PCDHGA5: variants seen among roughly 807,000 people sequenced by gnomAD.
PCDHGA5 encodes protocadherin gamma subfamily A, 5, also known as protocadherin gamma-A5.
PCDHGA5 carries 36 observed loss-of-function variants against 56.7 expected under a neutral mutation model. The observed-to-expected ratio is 0.64, with a 90% CI of 0.49 to 0.84. The LOEUF is 0.84. PCDHGA5 is among the 40% of genes least tolerant of loss of function. PCDHGA5 has a pLI of 0.00. For synonymous variants in PCDHGA5, 563 were observed against 520.2 expected (o/e 1.08, Z -1.12); for missense variants, 1,305 against 1,201.5 (o/e 1.09, Z -1.27).
chr5:141,496,215 T>C (rs2099767024), intron 2 of PCDHGA5, among the ~76,000 whole-genome samples: 3 of 152,114 alleles, frequency 2.0e-5, no homozygotes, highest in Non-Finnish European at 4.4e-5. Context: ...TATGAATTCC[T>C]GCTGAGACAG....
In PCDHGA5 at chr5:141,486,718, A is replaced by G; in HGVS notation, c.2422-8089A>G. 6.2e-7 allele frequency: 1 copy of G among 1,614,106 alleles called. No individual in the cohort carries two copies. The highest frequency in any genetic ancestry group is 1.7e-5 in the Admixed American group (1 of 60,022). On this transcript the variant is annotated intron_variant, in intron 1 of 3. Coordinates refer to ENST00000518069, the MANE Select transcript of PCDHGA5 (RefSeq NM_018918.3). This position sits in a 1 kb window ranked among gnomAD's most constrained non-coding sequence, Gnocchi z 5.0. Reference sequence around the variant, plus strand: ...TCATCTCTCTGAACCCCCAGACAGGAGCTGTTCATGCTACTCGATCCTTTG... The same window carrying G: ...TCATCTCTCTGAACCCCCAGACAGGGGCTGTTCATGCTACTCGATCCTTTG...
chr5:141,405,191 C>T (rs573277021), intron 1 of PCDHGA5: 28 of 1,612,832 alleles, frequency 1.7e-5, no homozygotes, highest in South Asian at 1.6e-4. Context: ...AGATGGGGTT[C>T]GAGCTTTCCT....
intron 1 of PCDHGA5, chr5:141,478,437 A>G (rs2099455876): frequency 6.2e-7 from 1 of 1,613,758 alleles, no homozygotes; most frequent in African/African-American, 1.3e-5. Flanking sequence ...CCGCTGCTGA[A>G]GAAACCTGGT....
intron 1 of PCDHGA5, chr5:141,398,766 T>C (rs775055352): frequency 6.2e-6 from 10 of 1,613,844 alleles, no homozygotes; most frequent in Non-Finnish European, 7.6e-6. Flanking sequence ...TAGTCCTGAC[T>C]GCCTTGGACG....
intron 2 of PCDHGA5, among the ~76,000 whole-genome samples, chr5:141,498,815 C>T (rs1595543994): frequency 6.6e-6 from 1 of 152,032 alleles, no homozygotes. Flanking sequence ...CACCTGTAGT[C>T]CCAGCTACTC....
rs369942815 is a variant in PCDHGA5, at chr5:141,485,334, T to A, written c.2422-9473T>A. 5.4e-5 allele frequency: 87 copies of A among 1,614,056 alleles called. No individual in the cohort carries two copies. Among genetic ancestry groups the A allele is most frequent in the Non-Finnish European group, 7.0e-5 (83 of 1,180,026 alleles). On this transcript the variant is annotated intron_variant, in intron 1 of 3. Coordinates refer to ENST00000518069, the MANE Select transcript of PCDHGA5 (RefSeq NM_018918.3). The surrounding 1 kb of genome is among the most constrained non-coding windows in gnomAD (Gnocchi z 5.7). Reference sequence around the variant, plus strand: ...GGGAATGTCGCTCAAGATTTCCTGCTGGATACGGACAGTCTGTCAGCTCGC... The same window carrying A: ...GGGAATGTCGCTCAAGATTTCCTGCAGGATACGGACAGTCTGTCAGCTCGC...
chr5:141,430,666 G>A (rs2097301396), intron 1 of PCDHGA5: 1 of 1,222,518 alleles, frequency 8.2e-7, no homozygotes, highest in Admixed American at 2.7e-5. Flanking sequence ...GAGGAGCTCT[G>A]ACTTCCCAAC....
intron 1 of PCDHGA5, among the ~76,000 whole-genome samples, chr5:141,483,755 G>A (rs2099586573): frequency 6.6e-6 from 1 of 152,130 alleles, no homozygotes. Flanking sequence ...TGAGGATCGA[G>A]GCTTGGAAAA....
intron 1 of PCDHGA5, chr5:141,414,168 T>C: frequency 6.2e-7 from 1 of 1,605,598 alleles, no homozygotes; most frequent in Non-Finnish European, 8.5e-7. Context: ...GAGGAGCATA[T>C]CTTGCAACTG....
intron 2 of PCDHGA5, among the ~76,000 whole-genome samples, chr5:141,495,279 G>C (rs72790069): frequency 0.027 from 4,092 of 152,256 alleles, 88 homozygotes; most frequent in Middle Eastern, 0.048. Flanking sequence ...CGGAGGAGGC[G>C]GTCCGCACTC....
chr5:141,465,697 T>C (rs1386528821), intron 1 of PCDHGA5, among the ~76,000 whole-genome samples: 2 of 152,200 alleles, frequency 1.3e-5, no homozygotes, highest in African/African-American at 4.8e-5. Context: ...TGCTTTTGCA[T>C]TGGTCAAATG....
chr5:141,408,617 C>T (rs2095139011), intron 1 of PCDHGA5: 2 of 1,614,004 alleles, frequency 1.2e-6, no homozygotes, highest in African/African-American at 2.7e-5. Flanking sequence ...AAAGGAAATA[C>T]ATTTAGAAAT....
rs1026815375 is a variant in PCDHGA5, at chr5:141,481,045, G to A, written c.2422-13762G>A. 4.6e-5 allele frequency among the ~76,000 whole-genome samples: 7 copies of A among 152,024 alleles called. No individual in the cohort carries two copies. In the South Asian group the frequency reaches 8.3e-4, roughly 18 times the overall value. ...TGCACTCCAGCCTGGGCGACAGAGCGAGACTCCACCTCAAAAACAAAAAGA... is the reference window on the plus strand; with the variant it reads ...TGCACTCCAGCCTGGGCGACAGAGCAAGACTCCACCTCAAAAACAAAAAGA... On this transcript the variant is annotated intron_variant, in intron 1 of 3. Coordinates refer to ENST00000518069, the MANE Select transcript of PCDHGA5 (RefSeq NM_018918.3).
intron 1 of PCDHGA5, chr5:141,375,178 A>G: frequency 6.2e-7 from 1 of 1,613,980 alleles, no homozygotes; most frequent in Non-Finnish European, 8.5e-7. Context: ...CAGGAACAGT[A>G]ATCGCCCTTT....
Position 141,490,440 on chromosome 5 carries a change from T to G in PCDHGA5, c.2422-4367T>G, listed in dbSNP as rs560525159. The G allele has an allele frequency of 6.2e-7, 1 of 1,614,206 alleles. No individual in the cohort carries two copies. The highest frequency in any genetic ancestry group is 1.7e-5 in the Admixed American group (1 of 60,026). On this transcript the variant is annotated intron_variant, in intron 1 of 3. Transcript: ENST00000518069. This position sits in a 1 kb window ranked among gnomAD's most constrained non-coding sequence, Gnocchi z 5.4. ...ACCTGCCATTTCAGATTAAGCCTTCTGAGAACCACTACTCGCTGCTAACCA... is the reference window on the plus strand; with the variant it reads ...ACCTGCCATTTCAGATTAAGCCTTCGGAGAACCACTACTCGCTGCTAACCA...
chr5:141,469,918 G>T (rs2099215604), intron 1 of PCDHGA5, among the ~76,000 whole-genome samples: 2 of 152,148 alleles, frequency 1.3e-5, no homozygotes, highest in African/African-American at 4.8e-5. Context: ...ACCACCCGAG[G>T]TCAGGAGTTT....
intron 1 of PCDHGA5, among the ~76,000 whole-genome samples, chr5:141,438,396 A>T (rs1026490705): frequency 6.6e-6 from 1 of 150,930 alleles, no homozygotes. Context: ...TTCATCATTA[A>T]CTCTCTGAAG....
chr5:141,375,296 G>A lies in PCDHGA5; in HGVS notation c.2421+8545G>A, dbSNP rs1771320516. ...ATCAGTTGGCAATTATTATCGATTA[G>A]TGACAAATGCAGCTCTAGACCGGGA... On this transcript the variant is annotated intron_variant, in intron 1 of 3. Transcript: ENST00000518069. 5 of 1,613,828 alleles carry A rather than the reference G, an allele frequency of 3.1e-6. No homozygotes were observed. The South Asian group carries it at 4.4e-5, about 14-fold the overall frequency.
rs1255551589 is a variant in PCDHGA5 at position 141,410,375 on chromosome 5, G to A, written c.2421+43624G>A. ...ACGCTCTCTCAGCCCTGCTACTTGG[G>A]ACTGCTTCCATCCTGGTCTCTGTGT... On this transcript the variant is annotated intron_variant, in intron 1 of 3. Coordinates refer to ENST00000518069, the MANE Select transcript of PCDHGA5 (RefSeq NM_018918.3). The A allele has an allele frequency of 6.2e-7, 1 of 1,614,028 alleles. No individual in the cohort carries two copies. Among genetic ancestry groups the A allele is most frequent in the Admixed American group, 1.7e-5 (1 of 60,022 alleles).
Sources: gnomAD v4.1 joint callset for allele counts (sites outside exome capture counted in the v4.1 genomes callset) on GRCh38, gnomAD v4.1.1 for gene constraint, Gnocchi (gnomAD v3.1) non-coding constraint, MANE v1.5 for transcripts, NCBI Gene and HGNC (gene_info 2026-07-23, HGNC 2026-07-21) for gene names.